Variants in CNTRL observed in about 807,000 individuals in gnomAD.
CNTRL encodes the protein 110 kDa centrosomal protein.
In CNTRL, 233 loss-of-function variants were observed where a neutral mutation model predicts 303.7. The observed-to-expected ratio is 0.77, with a 90% CI of 0.69 to 0.86. CNTRL has a LOEUF of 0.86. CNTRL is among the 40% of genes least tolerant of loss of function. CNTRL has a pLI of 0.00. For synonymous variants in CNTRL, 900 were observed against 922.2 expected, an observed-to-expected ratio of 0.98 and a Z score of 0.44; for missense variants, 2,524 against 2,650.6, an observed-to-expected ratio of 0.95 and a Z score of 1.05.
chr9:121,132,061 C>A (rs2050894565), intron 14 of CNTRL, among the ~76,000 whole-genome samples: 1 of 152,190 alleles, frequency 6.6e-6, no homozygotes, highest in African/African-American at 2.4e-5. Flanking sequence ...GCTGCCCTTA[C>A]ATTTTTTCCT....
intron 1 of CNTRL, among the ~76,000 whole-genome samples, chr9:121,079,804 G>A (rs770391430): frequency 6.6e-6 from 1 of 152,094 alleles, no homozygotes; most frequent in Non-Finnish European, 1.5e-5. Context: ...TTGAGAGACC[G>A]GATCATGATA....
At position 121,161,870 on chromosome 9, in the gene CNTRL, C is replaced by T. The variant is rs909402645; in HGVS notation, c.5104C>T (p.Leu1702=). The T allele has an allele frequency of 3.1e-6, 5 of 1,612,884 alleles. No individual in the cohort carries two copies. The African/African-American group carries it at 5.3e-5, about 17-fold the overall frequency. Residue 1702 remains leucine, a synonymous_variant, in exon 33 of 44, where the codon CTG becomes TTG. Coordinates refer to ENST00000373855, the MANE Select transcript of CNTRL (RefSeq NM_007018.6). ...SKHKTELKNI[L]DMLQLENHEL... ...CTATCCCTTAGAACTAAAGAATATT[C>T]TGGACATGTTGCAACTTGAAAACCA...
At chr9:121,079,817 A>G (rs556307388) in intron 1 of CNTRL, among the ~76,000 whole-genome samples, 1 of 152,284 alleles carries the variant, frequency 6.6e-6, no homozygotes, top group African/African-American at 2.4e-5. Context: ...TCATGATATC[A>G]GAGATCCTTT....
Position 121,125,827 on chromosome 9 carries a change from G to A in CNTRL, c.1916G>A (p.Cys639Tyr), listed in dbSNP as rs1247739870. ...KGQATQAQNE[C>Y]RKLRDEKETL... ...CAGGCAACTCAGGCCCAGAATGAGT[G>A]CAGGAAGCTGCGGGATGAGAAAGAG... The change falls in exon 14 of 44, where the codon TGC becomes TAC. Residue 639 changes from cysteine (C) to tyrosine (Y), a missense_variant. Coordinates refer to ENST00000373855, the MANE Select transcript of CNTRL (RefSeq NM_007018.6). 3.1e-6 allele frequency: 5 copies of A among 1,614,128 alleles called. No individual in the cohort carries two copies. The highest frequency in any genetic ancestry group is 4.2e-6 in the Non-Finnish European group (5 of 1,180,038).
Position 121,148,813 on chromosome 9 carries a change from G to T in CNTRL, c.3601G>T (p.Val1201Phe). Residue 1201 changes from valine (V) to phenylalanine (F), a missense_variant, in exon 24 of 44, where the codon GTT becomes TTT. Val to Phe is a conservative substitution (Grantham distance 50). Coordinates refer to ENST00000373855, the MANE Select transcript of CNTRL (RefSeq NM_007018.6). ...ACCTCCCCCTGCCTCAGGATACTGGGTTTATTCTCCCATCAGGAGTGGGTT... is the reference window on the plus strand; with the variant it reads ...ACCTCCCCCTGCCTCAGGATACTGGTTTTATTCTCCCATCAGGAGTGGGTT... Reference protein sequence around the residue: ...SQPPPASGYWVYSPIRSGLHK... With the variant: ...SQPPPASGYWFYSPIRSGLHK... The T allele has an allele frequency of 6.2e-7, 1 of 1,613,908 alleles. No individual in the cohort carries two copies. The highest frequency in any genetic ancestry group is 8.5e-7 in the Non-Finnish European group (1 of 1,180,002).
At chr9:121,102,916 G>A (rs923679784) in intron 7 of CNTRL, among the ~76,000 whole-genome samples, 22 of 152,118 alleles carry the variant, frequency 1.4e-4, no homozygotes, top group African/African-American at 5.1e-4. Flanking sequence ...AACAAATGGA[G>A]GAACATTCCA....
At chr9:121,147,456 T>C (rs2051942755) in intron 23 of CNTRL, among the ~76,000 whole-genome samples, 1 of 152,140 alleles carries the variant, frequency 6.6e-6, no homozygotes, top group Non-Finnish European at 1.5e-5. Flanking sequence ...AGTCTATACT[T>C]ATGGTAGGGT....
chr9:121,103,297 G>A (rs554618198), intron 7 of CNTRL, among the ~76,000 whole-genome samples: 1 of 152,348 alleles, frequency 6.6e-6, no homozygotes, highest in Non-Finnish European at 1.5e-5. Context: ...AAGCAATGGG[G>A]AAGGGATTCC....
intron 1 of CNTRL, among the ~76,000 whole-genome samples, chr9:121,075,458 C>G (rs2047882765): frequency 6.6e-6 from 1 of 152,142 alleles, no homozygotes; most frequent in South Asian, 2.1e-4. Flanking sequence ...GTTTGGGCGT[C>G]CTGACGGGTT....
At chr9:121,080,586 T>C (rs879820020) in intron 2 of CNTRL, 108 bp downstream of exon 2, 1 of 152,218 alleles carries the variant, frequency 6.6e-6, no homozygotes, top group Non-Finnish European at 1.5e-5. Context: ...AAAATTCATA[T>C]GGAGTCAAAT....
intron 32 of CNTRL, among the ~76,000 whole-genome samples, chr9:121,160,622 C>T (rs1301864650): frequency 6.6e-6 from 1 of 152,140 alleles, no homozygotes; most frequent in African/African-American, 2.4e-5. Flanking sequence ...TTGAACTAGT[C>T]AGCCCATTTC....
Position 121,150,241 on chromosome 9 carries a change from C to G in CNTRL, c.3721C>G (p.Pro1241Ala). 1 of 1,613,914 alleles carries G rather than the reference C, an allele frequency of 6.2e-7. No homozygotes were observed. The highest frequency in any genetic ancestry group is 8.5e-7 in the Non-Finnish European group (1 of 1,179,882). ...DDQEEPPFVP[P>A]PGYMMYTVLP... is the part of the protein sequence containing the mutation. Reference sequence around the variant, plus strand: ...CCAAGAAGAACCCCCATTTGTGCCTCCTCCTGGATACATGATGTATACTGT... The same window carrying G: ...CCAAGAAGAACCCCCATTTGTGCCTGCTCCTGGATACATGATGTATACTGT... The change falls in exon 25 of 44, where the codon CCT becomes GCT. Residue 1241 changes from proline to alanine, a missense_variant. Transcript: ENST00000373855.
At chr9:121,113,834 C>T in intron 10 of CNTRL, 110 bp downstream of exon 10, 1 of 631,644 alleles carries the variant, frequency 1.6e-6, no homozygotes, top group Non-Finnish European at 2.4e-6. Context: ...GGTATTGTTT[C>T]CATGAAAAGT....
chr9:121,148,521 A>C, intron 23 of CNTRL, 151 bp from the exon 24 acceptor site: 7 of 653,578 alleles, frequency 1.1e-5, no homozygotes, highest in Non-Finnish European at 1.8e-5. Flanking sequence ...CCATGTAATC[A>C]CCTCACTTCT....
chr9:121,131,307 G>C (rs1259491191), intron 14 of CNTRL, among the ~76,000 whole-genome samples: 2 of 152,160 alleles, frequency 1.3e-5, no homozygotes, highest in Admixed American at 1.3e-4. Flanking sequence ...TTATGAATCT[G>C]GGTTCTCCTG....
chr9:121,106,271 G>A (rs1188746083), intron 7 of CNTRL, among the ~76,000 whole-genome samples: 1 of 150,994 alleles, frequency 6.6e-6, no homozygotes, highest in Non-Finnish European at 1.5e-5. Context: ...CCTGGTAGAC[G>A]GAGGCTGCAG....
intron 7 of CNTRL, among the ~76,000 whole-genome samples, chr9:121,099,287 CAG>C (rs1250158978): frequency 6.6e-5 from 10 of 152,212 alleles, no homozygotes; most frequent in African/African-American, 2.2e-4. Flanking sequence ...CCCAGGCAAA[CAG>C]GGTCTGGAGT....
chr9:121,100,892 G>T (rs1018958858), intron 7 of CNTRL, among the ~76,000 whole-genome samples: 11 of 152,194 alleles, frequency 7.2e-5, no homozygotes, highest in African/African-American at 2.4e-4. Context: ...CAATACAGGA[G>T]AATCCAGATT....
intron 16 of CNTRL, among the ~76,000 whole-genome samples, chr9:121,140,436 T>C (rs540733968): frequency 2.3e-4 from 35 of 152,336 alleles, no homozygotes; most frequent in African/African-American, 7.5e-4. Flanking sequence ...AACATGTTAA[T>C]TGCATTCTAA....
Sources: allele counts gnomAD v4.1 joint callset (sites outside exome capture counted in the v4.1 genomes callset), GRCh38; gene constraint gnomAD v4.1.1; transcripts MANE v1.5; gene names NCBI Gene and HGNC (gene_info 2026-07-23, HGNC 2026-07-21).